Variants in RBFOX3 observed in about 807,000 individuals in gnomAD.
RBFOX3 encodes the protein RNA binding protein fox-1 homolog 3.
Under a neutral mutation model 48.7 loss-of-function variants are expected in RBFOX3, and 17 were observed. The ratio of observed to expected loss-of-function variants is 0.35; its 90% CI spans 0.24 to 0.52. The LOEUF (loss-of-function observed/expected upper bound fraction) is 0.52. Ranked by LOEUF, RBFOX3 falls within the 20% of genes least tolerant of loss-of-function variation. The pLI, the probability that RBFOX3 is intolerant of heterozygous loss-of-function variation, is 0.94. For synonymous variants in RBFOX3, 212 were observed against 209.5 expected, an observed-to-expected ratio of 1.01 and a Z score of -0.10; for missense variants, 382 against 497.5, an observed-to-expected ratio of 0.77 and a Z score of 2.21.
chr17:79,439,144 CGA>C (rs2070260941), intron 2 of RBFOX3, among the ~76,000 whole-genome samples: 1 of 152,200 alleles, frequency 6.6e-6, no homozygotes, highest in South Asian at 2.1e-4. Flanking sequence ...GGAATAAAAC[CGA>C]GAGAGGCGCG....
intron 4 of RBFOX3, among the ~76,000 whole-genome samples, chr17:79,153,427 G>A (rs1369747560): frequency 6.6e-6 from 1 of 152,200 alleles, no homozygotes; most frequent in East Asian, 1.9e-4. Flanking sequence ...TGGGGCTGGT[G>A]GGGTGATAAC....
In RBFOX3 at chr17:79,463,037, ATCG is replaced by A. The variant is rs1206751548; in HGVS notation, c.-175+19414_-175+19416del. ...CATTGCCACTGACACCTCCACCACC[ATCG>A]CCACTGCCACCTCCACCGCCATCGC... On this transcript the variant is annotated intron_variant, in intron 2 of 14. Transcript: ENST00000693108. 1.3e-4 allele frequency among the ~76,000 whole-genome samples: 8 copies of A among 62,102 alleles called. No individual in the cohort carries two copies. In the South Asian group the frequency reaches 2.2e-3, roughly 17 times the overall value. 40.7% of individuals were successfully genotyped at this position (62,102 alleles called of 152,430 possible).
chr17:79,317,563 G>A (rs541970443), intron 2 of RBFOX3, among the ~76,000 whole-genome samples: 10 of 152,226 alleles, frequency 6.6e-5, no homozygotes, highest in Non-Finnish European at 1.2e-4. Flanking sequence ...ACCGATGCCC[G>A]TGGCAGGGCC....
At position 79,229,111 on chromosome 17, in the gene RBFOX3, C is replaced by G. The variant is rs138032852; in HGVS notation, c.-34+6655G>C. On this transcript the variant is annotated intron_variant, in intron 4 of 14. Coordinates refer to ENST00000693108, the MANE Select transcript of RBFOX3 (RefSeq NM_001350451.2). ...AGGCGTGGTGGCATACGCCTGTAATCCCAGCTACTTGGGAGGCTGAGGCAG... is the reference window on the plus strand; with the variant it reads ...AGGCGTGGTGGCATACGCCTGTAATGCCAGCTACTTGGGAGGCTGAGGCAG... 2.3e-3 allele frequency among the ~76,000 whole-genome samples: 342 copies of G among 151,488 alleles called. 10 individuals are homozygous for G. In the East Asian group the frequency reaches 0.058, roughly 26 times the overall value.
intron 2 of RBFOX3, among the ~76,000 whole-genome samples, chr17:79,386,125 C>T (rs78044279): frequency 0.025 from 3,802 of 149,942 alleles, 57 homozygotes; most frequent in East Asian, 0.082. Flanking sequence ...CCTCCCATTA[C>T]AGAAAGAGGC....
At chr17:79,500,250 CTTTT>C (rs1222646327) in intron 1 of RBFOX3, among the ~76,000 whole-genome samples, 9 of 104,244 alleles carry the variant, frequency 8.6e-5, no homozygotes, top group African/African-American at 3.5e-4. Context: ...AGAGAAATGA[CTTTT>C]TTTTTTTTTT....
chr17:79,485,151 G>T (rs1391721961), intron 1 of RBFOX3, among the ~76,000 whole-genome samples: 3 of 152,248 alleles, frequency 2.0e-5, no homozygotes, highest in East Asian at 3.9e-4. Context: ...GGAGAGGCGG[G>T]CTGTCTGCCG....
chr17:79,556,608 T>C (rs1358274546), intron 1 of RBFOX3, among the ~76,000 whole-genome samples: 1 of 152,190 alleles, frequency 6.6e-6, no homozygotes, highest in Non-Finnish European at 1.5e-5. Context: ...TGATGTGAAA[T>C]TAACGGCTAC....
At chr17:79,356,334 T>C (rs9900918) in intron 2 of RBFOX3, among the ~76,000 whole-genome samples, 139,840 of 139,890 alleles carry the variant, frequency 1, 69,896 homozygotes, top group Middle Eastern at 1. Context: ...CTTTTTCACT[T>C]TTAAAACAGG....
chr17:79,540,334 C>T (rs2150162354), intron 1 of RBFOX3, among the ~76,000 whole-genome samples: 1 of 152,364 alleles, frequency 6.6e-6, no homozygotes, highest in East Asian at 1.9e-4. Context: ...GTGTTCCAGC[C>T]TGACAGTGCC....
the RBFOX3 span, among the ~76,000 whole-genome samples, chr17:79,650,321 G>A: frequency 7.9e-5 from 12 of 152,086 alleles, no homozygotes. Context: ...GCAGAGCTAG[G>A]GACCTGTGGG....
intron 2 of RBFOX3, among the ~76,000 whole-genome samples, chr17:79,397,180 A>T (rs948849210): frequency 6.6e-6 from 1 of 152,170 alleles, no homozygotes; most frequent in Non-Finnish European, 1.5e-5. Context: ...CAAATAAGTG[A>T]CTATCCTTTT....
chr17:79,394,961 C>T (rs891970349), intron 2 of RBFOX3, among the ~76,000 whole-genome samples: 2 of 152,352 alleles, frequency 1.3e-5, no homozygotes, highest in African/African-American at 2.4e-5. Flanking sequence ...CAGGAGGTGC[C>T]AGAAGGGTGG....
intron 2 of RBFOX3, among the ~76,000 whole-genome samples, chr17:79,379,527 G>A (rs1405412410): frequency 6.6e-6 from 1 of 152,116 alleles, no homozygotes; most frequent in Non-Finnish European, 1.5e-5. Flanking sequence ...TGGCTGTTTT[G>A]GTCAAACACC....
intron 5 of RBFOX3, among the ~76,000 whole-genome samples, chr17:79,112,478 C>T (rs2032105646): frequency 6.6e-6 from 1 of 152,160 alleles, no homozygotes; most frequent in Non-Finnish European, 1.5e-5. Flanking sequence ...GAAGGCCTTT[C>T]CGGAGCTGGG....
At chr17:79,240,099 C>T (rs1215078050) in intron 3 of RBFOX3, among the ~76,000 whole-genome samples, 2 of 152,206 alleles carry the variant, frequency 1.3e-5, no homozygotes, top group Non-Finnish European at 2.9e-5. Flanking sequence ...GTGATTCTGT[C>T]TTTATTGAAC....
At chr17:79,263,008 C>CG (rs2066050743) in intron 3 of RBFOX3, among the ~76,000 whole-genome samples, 1 of 152,204 alleles carries the variant, frequency 6.6e-6, no homozygotes, top group African/African-American at 2.4e-5. Flanking sequence ...CTGCCTCCCC[C>CG]GGGAGAACTT....
At chr17:79,123,130 A>C (rs942948112) in intron 4 of RBFOX3, among the ~76,000 whole-genome samples, 1 of 152,194 alleles carries the variant, frequency 6.6e-6, no homozygotes, top group African/African-American at 2.4e-5. Context: ...AGAATGAATA[A>C]GACCTACTAT....
At chr17:79,137,918 G>A (rs2040638029) in intron 4 of RBFOX3, among the ~76,000 whole-genome samples, 1 of 152,126 alleles carries the variant, frequency 6.6e-6, no homozygotes, top group Admixed American at 6.5e-5. Context: ...TGCTGATTGC[G>A]CCTGTCAACT....
Sources: allele counts gnomAD v4.1 joint callset (sites outside exome capture counted in the v4.1 genomes callset), GRCh38; gene constraint gnomAD v4.1.1; transcripts MANE v1.5; gene names NCBI Gene and HGNC (gene_info 2026-07-23, HGNC 2026-07-21).